Variants in AGPAT3 observed in about 807,000 individuals in gnomAD.
The protein encoded by AGPAT3 is 1-acyl-sn-glycerol-3-phosphate acyltransferase gamma.
AGPAT3 carries 5 observed loss-of-function variants against 47.3 expected under a neutral mutation model. That is an observed-to-expected ratio of 0.11 (90% CI 0.06 to 0.22). AGPAT3 has a LOEUF of 0.22. Ranked by LOEUF, AGPAT3 falls within the 10% of genes least tolerant of loss-of-function variation. The probability of loss-of-function intolerance (pLI) is 1.00; values close to 1 mark genes in which losing one functional copy is unlikely to be tolerated. For synonymous variants in AGPAT3, 212 were observed against 208.3 expected, an observed-to-expected ratio of 1.02 and a Z score of -0.15; for missense variants, 315 against 493.0, an observed-to-expected ratio of 0.64 and a Z score of 3.42.
rs148134065 is a variant in AGPAT3 at position 43,955,269 on chromosome 21, C to G, written c.-48-4365C>G. 2.2e-3 allele frequency: 2,611 copies of G among 1,171,974 alleles called. 9 individuals are homozygous for G. Among genetic ancestry groups the G allele is most frequent in the South Asian group, 7.3e-3 (467 of 64,294 alleles). 72.6% of individuals were successfully genotyped at this position (1,171,974 alleles called of 1,614,324 possible). A position where few individuals can be genotyped will look rare whatever the true frequency, so the allele number is the denominator to read the frequency against. On this transcript the variant is annotated intron_variant, in intron 2 of 9. Transcript: ENST00000291572. This position sits in a 1 kb window ranked among gnomAD's most constrained non-coding sequence, Gnocchi z 4.1. The stretch of plus-strand genomic sequence containing the variant: ...TAAATTAACCTATAGAGCTGGAAAG[C>G]TGACCTGCATTGTCAGGCTGGGTGG...
rs1439062875 is a variant in AGPAT3 at position 43,969,186 on chromosome 21, G to A, written c.417G>A (p.Leu139=). 1 of 1,614,204 alleles carries A rather than the reference G, an allele frequency of 6.2e-7. No individual in the cohort carries two copies. The highest frequency in any genetic ancestry group is 8.5e-7 in the Non-Finnish European group (1 of 1,180,036). The change falls in exon 5 of 10, where the codon CTG becomes CTA. Residue 139 remains leucine (L), a synonymous_variant. Coordinates refer to ENST00000291572, the MANE Select transcript of AGPAT3 (RefSeq NM_020132.5). ...TCATCGGCTGGACGTGGTACTTTCTGGAGATTGTGTTCTGCAAGCGGAAGT... is the reference window on the plus strand; with the variant it reads ...TCATCGGCTGGACGTGGTACTTTCTAGAGATTGTGTTCTGCAAGCGGAAGT... ...VPLIGWTWYF[L]EIVFCKRKWE... is the part of the protein sequence containing the mutation.
At chr21:43,926,553 C>T (rs931315743) in intron 2 of AGPAT3, among the ~76,000 whole-genome samples, 1 of 150,916 alleles carries the variant, frequency 6.6e-6, no homozygotes, top group Non-Finnish European at 1.5e-5. Context: ...CCCCACGGCG[C>T]GTTCCTGGGT....
rs1055885440 is a variant in AGPAT3 at position 43,955,347 on chromosome 21, G to A, written c.-48-4287G>A. 20 of 776,954 alleles carry A rather than the reference G, an allele frequency of 2.6e-5. 1 individual carries two copies. The highest frequency in any genetic ancestry group is 1.7e-4 in the African/African-American group (9 of 53,622). 48.1% of individuals were successfully genotyped at this position (776,954 alleles called of 1,614,324 possible). On this transcript the variant is annotated intron_variant, in intron 2 of 9. Transcript: ENST00000291572. The surrounding 1 kb of genome is among the most constrained non-coding windows in gnomAD (Gnocchi z 4.1). ...GTTGCAGTGTGGTGGGGTCACAGGC[G>A]GCTTAGCTTGTCAACACCCATAACG...
At chr21:43,904,244 A>G (rs945511955) in intron 2 of AGPAT3, among the ~76,000 whole-genome samples, 5 of 152,244 alleles carry the variant, frequency 3.3e-5, no homozygotes, top group African/African-American at 4.8e-5. Flanking sequence ...CCCAGATGAT[A>G]AAGTTCAGGT....
chr21:43,919,562 G>T (rs188402643), intron 2 of AGPAT3, among the ~76,000 whole-genome samples: 1 of 152,186 alleles, frequency 6.6e-6, no homozygotes, highest in Admixed American at 6.5e-5. Flanking sequence ...GCTTTAGGTT[G>T]GTTCTGTATC....
intron 1 of AGPAT3, among the ~76,000 whole-genome samples, chr21:43,885,269 T>C (rs2085948475): frequency 6.6e-6 from 1 of 152,256 alleles, no homozygotes; most frequent in South Asian, 2.1e-4. Flanking sequence ...TTTTGCGTCA[T>C]TGATGCAGAC....
At chr21:43,865,757 C>T (rs1200796599) in intron 1 of AGPAT3, among the ~76,000 whole-genome samples, 1 of 151,778 alleles carries the variant, frequency 6.6e-6, no homozygotes, top group Non-Finnish European at 1.5e-5. Flanking sequence ...CCGTCCTGGA[C>T]TCTGCTCCGG....
chr21:43,893,534 A>G (rs1392510456), intron 1 of AGPAT3, among the ~76,000 whole-genome samples: 1 of 152,266 alleles, frequency 6.6e-6, no homozygotes. Context: ...GTTTGGCCCA[A>G]GAGGCCCAGC....
chr21:43,974,302 G>A (rs1355297606), intron 7 of AGPAT3, among the ~76,000 whole-genome samples: 3 of 151,900 alleles, frequency 2.0e-5, no homozygotes, highest in African/African-American at 4.8e-5. Flanking sequence ...TTATATATTC[G>A]TGTGGGGTGA....
At position 43,921,044 on chromosome 21, in the gene AGPAT3, C is replaced by T. The variant is rs191526032; in HGVS notation, c.-49+17025C>T. ...AGGAGAATGGCGTGAACCCTGGAGG[C>T]GGAGCTTGCAGTGAGCCGAGATCGG... On this transcript the variant is annotated intron_variant, in intron 2 of 9. Transcript: ENST00000291572. Among the ~76,000 whole-genome samples, 81 of 152,216 alleles carry T rather than the reference C, an allele frequency of 5.3e-4. 1 individual carries two copies. In the Middle Eastern group the frequency reaches 0.024, roughly 45 times the overall value.
intron 2 of AGPAT3, among the ~76,000 whole-genome samples, chr21:43,943,482 C>G (rs935197330): frequency 6.6e-6 from 1 of 152,242 alleles, no homozygotes; most frequent in South Asian, 2.1e-4. Context: ...AAGCCCTGCA[C>G]GCACAGTGGT....
At position 43,959,824 on chromosome 21, in the gene AGPAT3, G is replaced by A. The variant is rs774081698; in HGVS notation, c.143G>A (p.Arg48His). 1.4e-5 allele frequency: 22 copies of A among 1,611,364 alleles called. No homozygotes were observed. The highest frequency in any genetic ancestry group is 8.3e-5 in the Admixed American group (5 of 59,962). The stretch of plus-strand genomic sequence containing the variant: ...CCGGTCAGCAAGCAGCTCTACCGCC[G>A]CCTCAACTGCCGCCTCGCCTACTCA... ...LWPVSKQLYR[R>H]LNCRLAYSLW... The change falls in exon 3 of 10, where the codon CGC becomes CAC. Residue 48 changes from arginine (R) to histidine (H), a missense_variant. Physicochemically the swap from Arg to His is conservative, Grantham distance 29. Transcript: ENST00000291572.
chr21:43,967,580 T>G, intron 3 of AGPAT3: 1 of 207,272 alleles, frequency 4.8e-6, no homozygotes, highest in Non-Finnish European at 9.8e-6. Flanking sequence ...CGATGGTTGT[T>G]TTCTGCTTCC....
At chr21:43,945,504 C>T (rs778992938) in intron 2 of AGPAT3, among the ~76,000 whole-genome samples, 1 of 152,056 alleles carries the variant, frequency 6.6e-6, no homozygotes, top group East Asian at 1.9e-4. Flanking sequence ...GACAGGGCGC[C>T]GTAATGGTAG....
chr21:43,937,734 A>G (rs1005702517), intron 2 of AGPAT3, among the ~76,000 whole-genome samples: 1 of 152,180 alleles, frequency 6.6e-6, no homozygotes, highest in South Asian at 2.1e-4. Flanking sequence ...GGAAAAGGGA[A>G]ATTTCTTTTT....
Position 43,932,655 on chromosome 21 carries a change from C to T in AGPAT3, c.-48-26979C>T, listed in dbSNP as rs1039780730. Among the ~76,000 whole-genome samples the T allele has an allele frequency of 2.0e-5, 3 of 152,056 alleles. No homozygotes were observed. The highest frequency in any genetic ancestry group is 1.3e-4 in the Admixed American group (2 of 15,276). ...GGGATTGCCGGACCTTATGGTAGTT[C>T]CTTTTGTTTTCTTGAGACGGAGTCT... On this transcript the variant is annotated intron_variant, in intron 2 of 9. Coordinates refer to ENST00000291572, the MANE Select transcript of AGPAT3 (RefSeq NM_020132.5). The surrounding 1 kb of genome is among the most constrained non-coding windows in gnomAD (Gnocchi z 5.2).
At chr21:43,874,070 CTG>C (rs1359544799) in intron 1 of AGPAT3, among the ~76,000 whole-genome samples, 1 of 152,256 alleles carries the variant, frequency 6.6e-6, no homozygotes, top group Non-Finnish European at 1.5e-5. Context: ...GAGTCTCCCT[CTG>C]TCACGCAGGC....
chr21:43,908,047 C>T lies in AGPAT3; in HGVS notation c.-49+4028C>T, dbSNP rs1251048039. Among the ~76,000 whole-genome samples the T allele has an allele frequency of 1.3e-5, 2 of 152,202 alleles. No individual in the cohort carries two copies. The highest frequency in any genetic ancestry group is 4.8e-5 in the African/African-American group (2 of 41,446). ...GATGGTCTTCGGAGGAGGGCGCTGG[C>T]TCAGGCACCCCAGGGACGCTTTCTC... On this transcript the variant is annotated intron_variant, in intron 2 of 9. Transcript: ENST00000291572. The surrounding 1 kb of genome is among the most constrained non-coding windows in gnomAD (Gnocchi z 4.9).
intron 2 of AGPAT3, among the ~76,000 whole-genome samples, chr21:43,957,469 C>T (rs1382479951): frequency 1.3e-5 from 2 of 150,926 alleles, no homozygotes; most frequent in Non-Finnish European, 2.9e-5. Flanking sequence ...GCCAGGGTTT[C>T]CCCTCCACAC....
Sources: gnomAD v4.1 joint callset for allele counts (sites outside exome capture counted in the v4.1 genomes callset) on GRCh38, gnomAD v4.1.1 for gene constraint, Gnocchi (gnomAD v3.1) non-coding constraint, MANE v1.5 for transcripts, NCBI Gene and HGNC (gene_info 2026-07-23, HGNC 2026-07-21) for gene names.